Variants in FBXL17 observed in about 807,000 individuals in gnomAD.
FBXL17 encodes the protein F-box/LRR-repeat protein 17.
FBXL17 carries 22 observed loss-of-function variants against 66.2 expected under a neutral mutation model. The observed-to-expected ratio is 0.33, with a 90% confidence interval of 0.24 to 0.47. The LOEUF (loss-of-function observed/expected upper bound fraction) is 0.47, where lower values mean the gene tolerates loss of function less well. Among genes scored for constraint, FBXL17 ranks in the 20% least tolerant of loss-of-function variants. The pLI is 1.00. For synonymous variants in FBXL17, 474 were observed against 400.5 expected, an observed-to-expected ratio of 1.18 and a Z score of -2.19; for missense variants, 878 against 948.2, an observed-to-expected ratio of 0.93 and a Z score of 0.97.
At chr5:108,196,061 T>C (rs1044787498) in intron 5 of FBXL17, among the ~76,000 whole-genome samples, 4 of 152,054 alleles carry the variant, frequency 2.6e-5, no homozygotes, top group Admixed American at 2.6e-4. Context: ...GTATTAATTA[T>C]ATATAAATGT....
chr5:108,195,500 A>T (rs1023433337), intron 5 of FBXL17, among the ~76,000 whole-genome samples: 2 of 152,180 alleles, frequency 1.3e-5, no homozygotes, highest in Non-Finnish European at 2.9e-5. Context: ...AGGAGATCTA[A>T]GAAGGACAGA....
intron 7 of FBXL17, among the ~76,000 whole-genome samples, chr5:107,946,071 C>T (rs924590513): frequency 6.6e-6 from 1 of 151,204 alleles, no homozygotes; most frequent in African/African-American, 2.4e-5. Context: ...CAGTCTACCA[C>T]TTTCCTATTT....
In FBXL17 at chr5:108,233,270, C is replaced by CT. The variant is rs540537684; in HGVS notation, c.1507-9043dup. Reference sequence around the variant, plus strand: ...GGTCTATGATGTTCTCAGAGTTCATCTTTGTTTATGGTGTGAAATAAAGGT... The same window carrying CT: ...GGTCTATGATGTTCTCAGAGTTCATCTTTTGTTTATGGTGTGAAATAAAGGT... On this transcript the variant is annotated intron_variant, in intron 4 of 8. Coordinates refer to ENST00000542267, the MANE Select transcript of FBXL17 (RefSeq NM_001163315.3). 7.9e-5 allele frequency among the ~76,000 whole-genome samples: 12 copies of CT among 152,094 alleles called. No homozygotes were observed. The South Asian group carries it at 2.5e-3, about 32-fold the overall frequency.
At chr5:107,919,206 G>A (rs1460401893) in intron 7 of FBXL17, among the ~76,000 whole-genome samples, 2 of 152,108 alleles carry the variant, frequency 1.3e-5, no homozygotes, top group African/African-American at 4.8e-5. Context: ...AAATAATTGG[G>A]ATGACAACAC....
Position 107,927,147 on chromosome 5 carries a change from T to C in FBXL17, c.1823-45968A>G, listed in dbSNP as rs115069666. On this transcript the variant is annotated intron_variant, in intron 7 of 8. Transcript: ENST00000542267. The stretch of plus-strand genomic sequence containing the variant: ...CACTAAATAGAAAATAAATGCTAAA[T>C]CAATTTCTCTTAAATATTTAAAATG... 7.0e-3 allele frequency among the ~76,000 whole-genome samples: 1,058 copies of C among 152,210 alleles called. 12 individuals are homozygous for C. Among genetic ancestry groups the C allele is most frequent in the African/African-American group, 0.025 (1,022 of 41,534 alleles).
intron 6 of FBXL17, among the ~76,000 whole-genome samples, chr5:108,153,231 G>A (rs1393515695): frequency 6.6e-6 from 1 of 152,138 alleles, no homozygotes; most frequent in East Asian, 1.9e-4. Context: ...TAATACAGCA[G>A]CCTATATTTT....
At chr5:107,901,424 T>C (rs1002780511) in intron 7 of FBXL17, among the ~76,000 whole-genome samples, 5 of 152,176 alleles carry the variant, frequency 3.3e-5, no homozygotes, top group Non-Finnish European at 7.3e-5. Context: ...CTTTATTAGA[T>C]CTAGGCAAAC....
chr5:108,185,127 A>G (rs1753175264), intron 6 of FBXL17, among the ~76,000 whole-genome samples: 1 of 152,154 alleles, frequency 6.6e-6, no homozygotes, highest in African/African-American at 2.4e-5. Flanking sequence ...CTGATTCTAT[A>G]CTGTATATTA....
chr5:108,181,510 T>C (rs1753002071), intron 6 of FBXL17, among the ~76,000 whole-genome samples: 1 of 152,114 alleles, frequency 6.6e-6, no homozygotes, highest in African/African-American at 2.4e-5. Context: ...GACCAGAAAA[T>C]GCTAACAGAC....
At chr5:108,299,655 A>T (rs894376030) in intron 4 of FBXL17, 58 of 376,250 alleles carry the variant, frequency 1.5e-4, no homozygotes, top group Non-Finnish European at 1.9e-4. Context: ...AATTAAAATT[A>T]AAAAAAAAAA....
At chr5:108,092,290 C>A (rs1294733618) in intron 6 of FBXL17, among the ~76,000 whole-genome samples, 1 of 152,074 alleles carries the variant, frequency 6.6e-6, no homozygotes, top group Non-Finnish European at 1.5e-5. Context: ...GAGAGTGAGG[C>A]TGGAGCTGAA....
At chr5:108,283,913 A>G (rs1329343306) in intron 4 of FBXL17, among the ~76,000 whole-genome samples, 1 of 152,028 alleles carries the variant, frequency 6.6e-6, no homozygotes, top group African/African-American at 2.4e-5. Flanking sequence ...AGAAATAAAA[A>G]TGGCCAACAG....
chr5:108,371,986 C>G (rs1749069736), intron 1 of FBXL17, among the ~76,000 whole-genome samples: 1 of 152,152 alleles, frequency 6.6e-6, no homozygotes, highest in Non-Finnish European at 1.5e-5. Context: ...ACAGGTAAGC[C>G]TGCTCTCCAA....
At chr5:108,037,873 A>G (rs960924593) in intron 6 of FBXL17, among the ~76,000 whole-genome samples, 2 of 152,220 alleles carry the variant, frequency 1.3e-5, no homozygotes, top group African/African-American at 4.8e-5. Flanking sequence ...TCATATAACA[A>G]GACATACCCC....
chr5:108,013,382 T>C (rs1473878941), intron 7 of FBXL17, among the ~76,000 whole-genome samples: 2 of 152,206 alleles, frequency 1.3e-5, no homozygotes, highest in African/African-American at 4.8e-5. Context: ...ATGATTTCTA[T>C]TCTTTCTTCA....
chr5:108,228,124 A>G (rs1755176059), intron 4 of FBXL17, among the ~76,000 whole-genome samples: 1 of 152,182 alleles, frequency 6.6e-6, no homozygotes, highest in African/African-American at 2.4e-5. Flanking sequence ...AGCAATCAGA[A>G]TAAGATAGCT....
At chr5:107,877,113 G>GT (rs1291740216) in intron 8 of FBXL17, among the ~76,000 whole-genome samples, 2 of 152,178 alleles carry the variant, frequency 1.3e-5, no homozygotes, top group Non-Finnish European at 2.9e-5. Context: ...AGGAGATTAA[G>GT]TGGCGTCAGC....
At chr5:108,322,868 G>A (rs1005093573) in intron 4 of FBXL17, among the ~76,000 whole-genome samples, 3 of 151,792 alleles carry the variant, frequency 2.0e-5, no homozygotes, top group Admixed American at 6.6e-5. Context: ...AAAAAAGATC[G>A]AGCTCCAAAA....
intron 4 of FBXL17, among the ~76,000 whole-genome samples, chr5:108,337,795 T>C (rs1278159821): frequency 1.3e-5 from 2 of 150,726 alleles, no homozygotes; most frequent in Admixed American, 6.6e-5. Context: ...ATGATAAAAA[T>C]AGTATTTTGG....
Sources: allele counts gnomAD v4.1 joint callset (sites outside exome capture counted in the v4.1 genomes callset), GRCh38; gene constraint gnomAD v4.1.1; transcripts MANE v1.5; gene names NCBI Gene and HGNC (gene_info 2026-07-23, HGNC 2026-07-21).